Variants in GRID2 observed in about 807,000 individuals in gnomAD.
GRID2 encodes glutamate ionotropic receptor delta type subunit 2.
A neutral mutation model predicts 114.8 loss-of-function variants in GRID2; 33 were observed. The observed-to-expected ratio is 0.29, with a 90% CI of 0.22 to 0.38. The LOEUF is 0.38. Among genes scored for constraint, GRID2 ranks in the 10% least tolerant of loss-of-function variants. GRID2 has a pLI of 1.00. For synonymous variants in GRID2, 505 were observed against 449.9 expected (o/e 1.12, Z -1.55); for missense variants, 1,184 against 1,257.7 (o/e 0.94, Z 0.89).
chr4:93,222,533 G>A (rs1006996628), intron 6 of GRID2, among the ~76,000 whole-genome samples: 7 of 151,418 alleles, frequency 4.6e-5, no homozygotes, highest in Admixed American at 1.3e-4. Flanking sequence ...TGTTACATAC[G>A]TAAACATGTG....
chr4:92,740,239 G>A (rs1736808429), intron 2 of GRID2, among the ~76,000 whole-genome samples: 1 of 152,146 alleles, frequency 6.6e-6, no homozygotes, highest in Non-Finnish European at 1.5e-5. Flanking sequence ...GTAACTCAAG[G>A]AAAGCAAATT....
chr4:93,702,864 A>C (rs952806017), intron 14 of GRID2, among the ~76,000 whole-genome samples: 3 of 152,172 alleles, frequency 2.0e-5, no homozygotes, highest in Non-Finnish European at 4.4e-5. Context: ...AATAAATATA[A>C]ATACATAATA....
chr4:92,348,799 G>C (rs1382679389), intron 1 of GRID2, among the ~76,000 whole-genome samples: 1 of 152,026 alleles, frequency 6.6e-6, no homozygotes, highest in Admixed American at 6.6e-5. Context: ...ACAACCAAAA[G>C]TTGTCCAGTT....
At chr4:93,110,287 G>C (rs1732644372) in intron 3 of GRID2, among the ~76,000 whole-genome samples, 1 of 152,132 alleles carries the variant, frequency 6.6e-6, no homozygotes, top group Non-Finnish European at 1.5e-5. Context: ...GTCAAGTTTA[G>C]TGATACTGTT....
intron 3 of GRID2, among the ~76,000 whole-genome samples, chr4:93,109,332 T>C (rs1025813283): frequency 6.6e-6 from 1 of 152,230 alleles, no homozygotes; most frequent in African/African-American, 2.4e-5. Context: ...GTTGTAAAGA[T>C]TTTTAAAGTC....
At chr4:92,903,663 G>A (rs1402432486) in intron 2 of GRID2, among the ~76,000 whole-genome samples, 1 of 151,820 alleles carries the variant, frequency 6.6e-6, no homozygotes, top group Non-Finnish European at 1.5e-5. Context: ...TATTATAAAT[G>A]TTTCTCTCCA....
At position 92,599,514 on chromosome 4, in the gene GRID2, TA is replaced by T. The variant is rs1223580209; in HGVS notation, c.244+9233del. ...ATTATACATAGGGAAATATTAACTT[TA>T]AAAACTCAGTCATTTGCTTATTTGA... On this transcript the variant is annotated intron_variant, in intron 2 of 15. Coordinates refer to ENST00000282020, the MANE Select transcript of GRID2 (RefSeq NM_001510.4). Among the ~76,000 whole-genome samples, 5 of 152,188 alleles carry T rather than the reference TA, an allele frequency of 3.3e-5. No individual in the cohort carries two copies. The East Asian group carries it at 7.7e-4, about 23-fold the overall frequency.
At chr4:93,029,864 G>T (rs923221148) in intron 2 of GRID2, among the ~76,000 whole-genome samples, 1 of 152,126 alleles carries the variant, frequency 6.6e-6, no homozygotes, top group African/African-American at 2.4e-5. Context: ...CTAACTTACT[G>T]GGAGAGTGTG....
chr4:93,056,240 G>T (rs1270642352), intron 2 of GRID2, among the ~76,000 whole-genome samples: 13 of 151,890 alleles, frequency 8.6e-5, no homozygotes, highest in Non-Finnish European at 4.4e-5. Flanking sequence ...TTTAATGGAG[G>T]TCAGATCTGC....
intron 2 of GRID2, among the ~76,000 whole-genome samples, chr4:92,713,597 C>T (rs1272453823): frequency 6.7e-6 from 1 of 148,708 alleles, no homozygotes; most frequent in Admixed American, 6.8e-5. Flanking sequence ...ATACTTGACA[C>T]TGGGCAATTT....
chr4:93,008,829 C>T (rs764200156), intron 2 of GRID2, among the ~76,000 whole-genome samples: 2 of 152,014 alleles, frequency 1.3e-5, no homozygotes, highest in Non-Finnish European at 2.9e-5. Flanking sequence ...CATTCAGCTG[C>T]GTTCAACTAT....
At chr4:93,496,473 A>G (rs1727559322) in intron 12 of GRID2, among the ~76,000 whole-genome samples, 2 of 151,778 alleles carry the variant, frequency 1.3e-5, no homozygotes, top group Non-Finnish European at 2.9e-5. Context: ...CAATCAAGAT[A>G]CAGAACTATT....
intron 2 of GRID2, among the ~76,000 whole-genome samples, chr4:92,965,669 G>C (rs2149163037): frequency 6.6e-6 from 1 of 151,824 alleles, no homozygotes; most frequent in Middle Eastern, 3.4e-3. Flanking sequence ...TGTTGCAATG[G>C]AGTGATGATT....
At chr4:93,103,310 C>T (rs1401661770) in intron 3 of GRID2, among the ~76,000 whole-genome samples, 3 of 151,986 alleles carry the variant, frequency 2.0e-5, no homozygotes, top group East Asian at 1.9e-4. Context: ...GTGTTATTCC[C>T]GAGAGCAGTC....
intron 9 of GRID2, among the ~76,000 whole-genome samples, chr4:93,396,297 G>A (rs573617005): frequency 6.6e-6 from 1 of 152,102 alleles, no homozygotes; most frequent in African/African-American, 2.4e-5. Flanking sequence ...TTATCATCTA[G>A]TGATTCTGTG....
At chr4:92,924,182 A>G (rs1749615341) in intron 2 of GRID2, among the ~76,000 whole-genome samples, 1 of 152,150 alleles carries the variant, frequency 6.6e-6, no homozygotes, top group Non-Finnish European at 1.5e-5. Flanking sequence ...TCTCACTCAC[A>G]GGTGGGAATT....
intron 2 of GRID2, among the ~76,000 whole-genome samples, chr4:92,716,728 C>T (rs1735570435): frequency 6.6e-6 from 1 of 152,116 alleles, no homozygotes; most frequent in South Asian, 2.1e-4. Context: ...TGAGGAAATC[C>T]TATTATACGC....
chr4:93,217,030 C>G, intron 6 of GRID2, 119 bp downstream of exon 6: 1 of 650,152 alleles, frequency 1.5e-6, no homozygotes, highest in South Asian at 2.3e-5. Flanking sequence ...AATTCTCCTC[C>G]AGCAATTTCA....
intron 2 of GRID2, among the ~76,000 whole-genome samples, chr4:92,709,425 T>C (rs1179569096): frequency 1.3e-5 from 2 of 151,870 alleles, no homozygotes; most frequent in Admixed American, 6.6e-5. Context: ...AAAATTACAG[T>C]GTAATGATAC....
Sources: allele counts gnomAD v4.1 joint callset (sites outside exome capture counted in the v4.1 genomes callset), GRCh38; gene constraint gnomAD v4.1.1; transcripts MANE v1.5; gene names NCBI Gene and HGNC (gene_info 2026-07-23, HGNC 2026-07-21).